Variants in ADGRE2 observed in about 807,000 individuals in gnomAD.
The protein encoded by ADGRE2 is CD97 antigen.
ADGRE2 carries 83 observed loss-of-function variants against 100.8 expected under a neutral mutation model. That is an observed-to-expected ratio of 0.82 (90% CI 0.69 to 0.99). The LOEUF is 0.99. Ranked by LOEUF, ADGRE2 falls within the 50% of genes least tolerant of loss-of-function variation. The probability of loss-of-function intolerance (pLI) is 0.00; values close to 1 mark genes in which losing one functional copy is unlikely to be tolerated. For missense variants in ADGRE2, 814 were observed against 1,035.7 expected (o/e 0.79, Z 2.94); for synonymous variants, 355 against 413.0 (o/e 0.86, Z 1.70).
intron 7 of ADGRE2, 87 bp downstream of exon 7, chr19:14,766,148 C>G: frequency 6.2e-7 from 1 of 1,602,112 alleles, no homozygotes; most frequent in Non-Finnish European, 8.5e-7. Flanking sequence ...GCCTCCAGCG[C>G]TCATTCTGCT....
At chr19:14,760,652 C>G (rs1001557542) in intron 11 of ADGRE2, among the ~76,000 whole-genome samples, 2 of 152,058 alleles carry the variant, frequency 1.3e-5, no homozygotes, top group Admixed American at 6.6e-5. Context: ...CTCCCGCCCC[C>G]CTCAAAACCA....
chr19:14,746,202 G>A, intron 18 of ADGRE2, 30 bp downstream of exon 18: 4 of 1,330,136 alleles, frequency 3.0e-6, no homozygotes, highest in Non-Finnish European at 3.2e-6. Flanking sequence ...ATACATGTCT[G>A]TGTGGTTATC....
At chr19:14,746,100 A>G in intron 18 of ADGRE2, 132 bp downstream of exon 18, 1 of 646,894 alleles carries the variant, frequency 1.5e-6, no homozygotes, top group Non-Finnish European at 2.8e-6. Flanking sequence ...CCATAGAAGG[A>G]TGGCTGCGTC....
chr19:14,741,403 G>A (rs908081342), intron 20 of ADGRE2: 2 of 150,666 alleles, frequency 1.3e-5, no homozygotes, highest in African/African-American at 4.9e-5. Context: ...GGCCCTGAAT[G>A]GGCTCTTTAA....
chr19:14,731,292 G>T, downstream of ADGRE2: 1 of 1,150,408 alleles, frequency 8.7e-7, no homozygotes, highest in Non-Finnish European at 1.2e-6. Flanking sequence ...CTCCAAATCT[G>T]CAGATTCTGA....
At chr19:14,765,960 T>C in intron 7 of ADGRE2, 156 bp from the exon 8 acceptor site, 1 of 891,924 alleles carries the variant, frequency 1.1e-6, no homozygotes, top group Admixed American at 2.4e-5. Context: ...GCACAGCAGG[T>C]GGGCCCCGTG....
In ADGRE2 at chr19:14,771,424, G is replaced by A. The variant is rs142254804; in HGVS notation, c.355+918C>T. Among the ~76,000 whole-genome samples the A allele has an allele frequency of 5.1e-3, 775 of 152,176 alleles. 4 individuals carry two copies. Among genetic ancestry groups the A allele is most frequent in the African/African-American group, 0.017 (710 of 41,530 alleles). ...TGAAGCTCCCTCCCGCACCCAACTAGTTCCCACTGGAAAGAAGGCAAAGCA... is the reference window on the plus strand; with the variant it reads ...TGAAGCTCCCTCCCGCACCCAACTAATTCCCACTGGAAAGAAGGCAAAGCA... On this transcript the variant is annotated intron_variant, in intron 5 of 20. Coordinates refer to ENST00000315576, the MANE Select transcript of ADGRE2 (RefSeq NM_013447.4).
In ADGRE2 at chr19:14,736,786, G is replaced by GATATTTAGAAATATAGATATTTAGAAA. The variant is rs1568572856; in HGVS notation, c.2464-543_2464-542insTTTCTAAATATCTATATTTCTAAATAT. ...TATTTAGAAATATAGATATTTAGAAGTATAGATATTTAGAAATATATAGAT... is the reference window on the plus strand; with the variant it reads ...TATTTAGAAATATAGATATTTAGAAGATATTTAGAAATATAGATATTTAGAAATATAGATATTTAGAAATATATAGAT... On this transcript the variant is annotated intron_variant, in intron 20 of 20. Transcript: ENST00000315576. Among the ~76,000 whole-genome samples the GATATTTAGAAATATAGATATTTAGAAA allele has an allele frequency of 1.2e-4, 15 of 120,742 alleles. 1 individual carries two copies. The highest frequency in any genetic ancestry group is 4.4e-4 in the Admixed American group (5 of 11,446). The allele number at this position is 120,742 out of a possible 152,430, so 79.2% of individuals were successfully genotyped here.
chr19:14,742,472 T>C (rs1184960311), intron 20 of ADGRE2, among the ~76,000 whole-genome samples: 1 of 152,126 alleles, frequency 6.6e-6, no homozygotes, highest in Non-Finnish European at 1.5e-5. Flanking sequence ...CCTCAAGCAG[T>C]TGTCCTGCCT....
At chr19:14,760,414 C>T (rs2043675156) in intron 11 of ADGRE2, among the ~76,000 whole-genome samples, 1 of 151,968 alleles carries the variant, frequency 6.6e-6, no homozygotes. Context: ...GAGGATAACC[C>T]GTGTATGTTT....
intron 14 of ADGRE2, among the ~76,000 whole-genome samples, chr19:14,753,731 C>T (rs2335215): frequency 0.42 from 64,178 of 151,140 alleles, 14,781 homozygotes; most frequent in African/African-American, 0.6. Flanking sequence ...AAGGTCAAGG[C>T]TGCAGTGAGC....
Position 14,751,504 on chromosome 19 carries a change from G to C in ADGRE2, c.1956C>G (p.Tyr652Ter), listed in dbSNP as rs776005214. The C allele has an allele frequency of 1.2e-6, 2 of 1,613,984 alleles. No homozygotes were observed. The highest frequency in any genetic ancestry group is 4.5e-5 in the East Asian group (2 of 44,894). The stretch of plus-strand genomic sequence containing the variant: ...TGGCCACTGTCACAGCTGGGACTCC[G>C]TAGCCCACAGGGAACATGAGCTTCT... ...FMKKLMFPVGYGVPAVTVAIS... is the reference protein window; with the variant it reads ...FMKKLMFPVG Residue 652 changes from tyrosine to a stop codon, truncating the protein, a stop_gained, in exon 16 of 21, where the codon TAC (tyrosine) becomes TAG (stop). Transcript: ENST00000315576. LOFTEE classifies it high-confidence loss of function.
chr19:14,769,162 G>A (rs1441369289), intron 5 of ADGRE2, among the ~76,000 whole-genome samples: 1 of 152,162 alleles, frequency 6.6e-6, no homozygotes, highest in East Asian at 1.9e-4. Flanking sequence ...GGCTGAGACG[G>A]GCGGATCACT....
At chr19:14,774,674 T>TTTCTTTCTTTCTTTCTTTCTTTCTTTC (rs2044354817) in intron 2 of ADGRE2, among the ~76,000 whole-genome samples, 1 of 68,960 alleles carries the variant, frequency 1.5e-5, no homozygotes, top group Non-Finnish European at 3.8e-5. Flanking sequence ...ATATTTTAAA[T>TTTCTTTCTTTCTTTCTTTCTTTCTTTC]TTTCTTTCTT....
chr19:14,770,064 G>A (rs1236382569), intron 5 of ADGRE2, among the ~76,000 whole-genome samples: 5 of 152,086 alleles, frequency 3.3e-5, no homozygotes, highest in East Asian at 1.9e-4. Context: ...CTGTGCATGC[G>A]GTGATACAGT....
At chr19:14,753,908 T>C (rs2043388884) in intron 14 of ADGRE2, among the ~76,000 whole-genome samples, 1 of 152,106 alleles carries the variant, frequency 6.6e-6, no homozygotes, top group Non-Finnish European at 1.5e-5. Context: ...TAATACTGGG[T>C]GTCAACTTGA....
Position 14,771,365 on chromosome 19 carries a change from C to T in ADGRE2, c.355+977G>A, listed in dbSNP as rs1568624300. Among the ~76,000 whole-genome samples, 2 of 152,168 alleles carry T rather than the reference C, an allele frequency of 1.3e-5. 1 individual carries two copies. The highest frequency in any genetic ancestry group is 2.9e-5 in the Non-Finnish European group (2 of 68,042). ...GTGTTAATCTCCCTTCTCTGTCCAC[C>T]TGCTACTGGTTCCCATCTGGCCTTG... On this transcript the variant is annotated intron_variant, in intron 5 of 20. Transcript: ENST00000315576.
chr19:14,755,968 C>T lies in ADGRE2; in HGVS notation c.1193-91G>A, dbSNP rs998578287. 50 of 1,092,958 alleles carry T rather than the reference C, an allele frequency of 4.6e-5. 1 individual carries two copies. In the Middle Eastern group the frequency reaches 1.2e-3, roughly 26 times the overall value. The allele number at this position is 1,092,958 out of a possible 1,614,324, so 67.7% of individuals were successfully genotyped here. The stretch of plus-strand genomic sequence containing the variant: ...TCTGCCCTGCACAGAACTTTCTACT[C>T]AGATGGGCTACCTTCCTTTGGCTTC... On this transcript the variant is annotated intron_variant, in intron 12 of 20. Transcript: ENST00000315576.
Position 14,751,461 on chromosome 19 carries a change from G to A in ADGRE2, c.1999C>T (p.Pro667Ser). 2 of 1,613,990 alleles carry A rather than the reference G, an allele frequency of 1.2e-6. No individual in the cohort carries two copies. Among genetic ancestry groups the A allele is most frequent in the Non-Finnish European group, 1.7e-6 (2 of 1,179,874 alleles). The change falls in exon 16 of 21, where the codon CCT becomes TCT. Residue 667 changes from proline (P) to serine (S), a missense_variant. Around this residue, in one of 5 missense-constraint regions of ADGRE2, gnomAD observed 569 missense variants for 692.7 expected, o/e 0.82. Coordinates refer to ENST00000315576, the MANE Select transcript of ADGRE2 (RefSeq NM_013447.4). The part of the protein sequence containing the change: ...VTVAISAASR[P>S]HLYGTPSRCW... ...CGGGAAGGTGTTCCATAAAGGTGAG[G>A]CCTGGAGGCTGCAGAAATGGCCACT...
Sources: gnomAD v4.1 joint callset for allele counts (sites outside exome capture counted in the v4.1 genomes callset) on GRCh38, gnomAD v4.1.1 for gene constraint, gnomAD v4.1.1 regional missense constraint, MANE v1.5 for transcripts, NCBI Gene and HGNC (gene_info 2026-07-23, HGNC 2026-07-21) for gene names.